Variants in SLC35A3 observed in about 807,000 individuals in gnomAD.
SLC35A3 encodes solute carrier family 35 member A3.
A neutral mutation model predicts 39.0 loss-of-function variants in SLC35A3; 26 were observed. The observed-to-expected ratio is 0.67, with a 90% CI of 0.49 to 0.92. The LOEUF (loss-of-function observed/expected upper bound fraction) is 0.92, where lower values mean the gene tolerates loss of function less well. SLC35A3 is among the 40% of genes least tolerant of loss of function. The probability of loss-of-function intolerance (pLI) is 0.00; values close to 1 mark genes in which losing one functional copy is unlikely to be tolerated. For missense variants in SLC35A3, 299 were observed against 371.6 expected (o/e 0.80, Z 1.61); for synonymous variants, 135 against 133.1 (o/e 1.01, Z -0.10).
At chr1:100,015,259 G>T in intron 5 of SLC35A3, 43 bp from the exon 6 acceptor site, 1 of 1,472,416 alleles carries the variant, frequency 6.8e-7, no homozygotes, top group South Asian at 1.5e-5. Flanking sequence ...TATCTCTTCA[G>T]ACAAACTAAA....
At chr1:100,022,207 A>C (rs115532474) in intron 7 of SLC35A3, among the ~76,000 whole-genome samples, 179 bp from the exon 8 acceptor site, 2,040 of 152,330 alleles carry the variant, frequency 0.013, 18 homozygotes, top group Middle Eastern at 0.058. Flanking sequence ...TCAATGAAAT[A>C]ATGCATATAA....
intron 2 of SLC35A3, 50 bp downstream of exon 2, chr1:99,993,791 C>CAT (rs1570588747): frequency 9.3e-6 from 14 of 1,497,974 alleles, no homozygotes; most frequent in East Asian, 2.3e-5. Flanking sequence ...ATTTAGTTTG[C>CAT]ATATATATAT....
chr1:100,011,562 T>G, intron 5 of SLC35A3, 29 bp downstream of exon 5: 1 of 918,610 alleles, frequency 1.1e-6, no homozygotes, highest in Non-Finnish European at 1.5e-6. Flanking sequence ...CTAATATTAT[T>G]TTAAAAATGA....
At chr1:99,996,197 C>T (rs1180207426) in intron 2 of SLC35A3, among the ~76,000 whole-genome samples, 1 of 151,802 alleles carries the variant, frequency 6.6e-6, no homozygotes, top group Non-Finnish European at 1.5e-5. Context: ...ACAAATAAGA[C>T]ATAAAGGAAA....
At chr1:99,988,469 A>G (rs1657877436) in intron 1 of SLC35A3, among the ~76,000 whole-genome samples, 1 of 152,118 alleles carries the variant, frequency 6.6e-6, no homozygotes, top group South Asian at 2.1e-4. Flanking sequence ...CTGATTTTAC[A>G]AATAAATCTC....
At chr1:99,970,232 C>T (rs1339275329) in intron 1 of SLC35A3, 70 bp downstream of exon 1, 1 of 231,936 alleles carries the variant, frequency 4.3e-6, no homozygotes, top group Non-Finnish European at 8.4e-6. Context: ...GCCCGGGAAG[C>T]TCCTGGAGGA....
At chr1:100,001,283 G>A (rs1557835235) in intron 3 of SLC35A3, among the ~76,000 whole-genome samples, 2 of 152,040 alleles carry the variant, frequency 1.3e-5, no homozygotes, top group Admixed American at 6.6e-5. Flanking sequence ...TCCTGAATCC[G>A]AAGATCGCTT....
At chr1:99,999,111 G>T in intron 2 of SLC35A3, 150 bp from the exon 3 acceptor site, 1 of 430,484 alleles carries the variant, frequency 2.3e-6, no homozygotes, top group Non-Finnish European at 4.1e-6. Context: ...TTAAAAATCA[G>T]CATCATAAAG....
rs57707525 is a variant in SLC35A3, at chr1:99,985,746, C to T, written c.-18-7791C>T. 6.6e-3 allele frequency among the ~76,000 whole-genome samples: 999 copies of T among 152,276 alleles called. 13 individuals carry two copies. Among genetic ancestry groups the T allele is most frequent in the African/African-American group, 0.023 (965 of 41,544 alleles). On this transcript the variant is annotated intron_variant, in intron 1 of 7. Coordinates refer to ENST00000533028, the MANE Select transcript of SLC35A3 (RefSeq NM_012243.3). The stretch of plus-strand genomic sequence containing the variant: ...TTGTGTCATCTATGATTTCTTTCAG[C>T]AGTGTTTTGTAGTTTTCCTTATAGA...
rs1457351520 is a variant in SLC35A3, at chr1:100,029,107, T to G, written c.*6631T>G. On this transcript the variant is annotated 3_prime_UTR_variant, in exon 8 of 8. Coordinates refer to ENST00000533028, the MANE Select transcript of SLC35A3 (RefSeq NM_012243.3). Reference sequence around the variant, plus strand: ...TTGAGAGAGGCTCTATTAGTTGGCATGGTTGGTTGATTTTTTTGCCCATGT... The same window carrying G: ...TTGAGAGAGGCTCTATTAGTTGGCAGGGTTGGTTGATTTTTTTGCCCATGT... 6.6e-6 allele frequency: 1 copy of G among 152,240 alleles called. No homozygotes were observed. The highest frequency in any genetic ancestry group is 1.5e-5 in the Non-Finnish European group (1 of 68,068). 9.4% of individuals were successfully genotyped at this position (152,240 alleles called of 1,614,324 possible).
Position 100,034,817 on chromosome 1 carries a change from C to G in SLC35A3, c.*12341C>G, listed in dbSNP as rs1429417848. 6.6e-6 allele frequency: 1 copy of G among 152,106 alleles called. No individual in the cohort carries two copies. Among genetic ancestry groups the G allele is most frequent in the Non-Finnish European group, 1.5e-5 (1 of 68,040 alleles). 9.4% of individuals were successfully genotyped at this position (152,106 alleles called of 1,614,324 possible). On this transcript the variant is annotated 3_prime_UTR_variant, in exon 8 of 8. Coordinates refer to ENST00000533028, the MANE Select transcript of SLC35A3 (RefSeq NM_012243.3). ...CACTTGCCTTTCTTTCCAAGGAATCCCACTCCCTTTCAAGGTGCCTCATGA... is the reference window on the plus strand; with the variant it reads ...CACTTGCCTTTCTTTCCAAGGAATCGCACTCCCTTTCAAGGTGCCTCATGA...
rs182579210 is a variant in SLC35A3 at position 99,971,414 on chromosome 1, C to G, written c.-19+1252C>G. Among the ~76,000 whole-genome samples, 982 of 152,018 alleles carry G rather than the reference C, an allele frequency of 6.5e-3. 17 individuals carry two copies. Among genetic ancestry groups the G allele is most frequent in the African/African-American group, 0.023 (952 of 41,452 alleles). Reference sequence around the variant, plus strand: ...CTCCGCCTCCCGGGTTCATGCCGTTCTCCTGCCTCAGCCTCCTGAGTAGCT... The same window carrying G: ...CTCCGCCTCCCGGGTTCATGCCGTTGTCCTGCCTCAGCCTCCTGAGTAGCT... On this transcript the variant is annotated intron_variant, in intron 1 of 7. Transcript: ENST00000533028.
At chr1:99,995,164 T>TTTCTTTC (rs1557831367) in intron 2 of SLC35A3, among the ~76,000 whole-genome samples, 6 of 113,536 alleles carry the variant, frequency 5.3e-5, no homozygotes, top group African/African-American at 1.8e-4. Flanking sequence ...TTCTTTCTTT[T>TTTCTTTC]TTTTTCGAGA....
intron 3 of SLC35A3, among the ~76,000 whole-genome samples, chr1:100,005,407 A>G (rs534044980): frequency 1.3e-5 from 2 of 152,340 alleles, no homozygotes; most frequent in South Asian, 2.1e-4. Context: ...CACAACTAAC[A>G]TATGTTTTGA....
intron 1 of SLC35A3, among the ~76,000 whole-genome samples, chr1:99,988,772 T>C (rs1326986225): frequency 6.7e-6 from 1 of 148,862 alleles, no homozygotes; most frequent in Non-Finnish European, 1.5e-5. Context: ...CTCTCTCCTA[T>C]ACTCTTTTTA....
chr1:100,018,688 C>T (rs1431114015), intron 7 of SLC35A3, among the ~76,000 whole-genome samples: 2 of 152,100 alleles, frequency 1.3e-5, no homozygotes, highest in Non-Finnish European at 2.9e-5. Flanking sequence ...CTTTGTTGCC[C>T]AGGCTGATCT....
chr1:99,992,321 T>G (rs1274438029), intron 1 of SLC35A3, among the ~76,000 whole-genome samples: 1 of 152,202 alleles, frequency 6.6e-6, no homozygotes, highest in Non-Finnish European at 1.5e-5. Flanking sequence ...TGAAATGTCC[T>G]TCTTTGATTC....
At chr1:100,004,446 T>C (rs1659052466) in intron 3 of SLC35A3, among the ~76,000 whole-genome samples, 1 of 152,102 alleles carries the variant, frequency 6.6e-6, no homozygotes, top group Non-Finnish European at 1.5e-5. Flanking sequence ...GGCCTACCCA[T>C]GCACACCACC....
intron 1 of SLC35A3, among the ~76,000 whole-genome samples, chr1:99,992,473 C>T (rs577025554): frequency 1.3e-5 from 2 of 151,946 alleles, no homozygotes; most frequent in African/African-American, 4.8e-5. Flanking sequence ...AGTAAGTCTC[C>T]TGGAGTAATA....
Sources: allele counts gnomAD v4.1 joint callset (sites outside exome capture counted in the v4.1 genomes callset), GRCh38; gene constraint gnomAD v4.1.1; transcripts MANE v1.5; gene names NCBI Gene and HGNC (gene_info 2026-07-23, HGNC 2026-07-21).